Variants in IQCM observed in about 807,000 individuals in gnomAD.
IQCM encodes IQ domain-containing protein M.
Under a neutral mutation model 57.6 loss-of-function variants are expected in IQCM, and 45 were observed. The ratio of observed to expected loss-of-function variants is 0.78; its 90% CI spans 0.62 to 1.00. The LOEUF (loss-of-function observed/expected upper bound fraction) is 1.00, where lower values mean the gene tolerates loss of function less well. Among genes scored for constraint, IQCM ranks in the 50% least tolerant of loss-of-function variants. IQCM has a pLI of 0.00. For missense variants in IQCM, 468 were observed against 511.6 expected (o/e 0.91, Z 0.82); for synonymous variants, 148 against 158.9 (o/e 0.93, Z 0.51).
chr4:149,505,953 GA>G (rs1743770945), intron 12 of IQCM, among the ~76,000 whole-genome samples: 1 of 152,180 alleles, frequency 6.6e-6, no homozygotes, highest in Admixed American at 6.5e-5. Context: ...ATTTGTTAAG[GA>G]AAGGTCCTGG....
chr4:149,809,716 TA>T (rs1774386219), intron 2 of IQCM, among the ~76,000 whole-genome samples: 1 of 152,184 alleles, frequency 6.6e-6, no homozygotes, highest in South Asian at 2.1e-4. Context: ...CTAACTCATG[TA>T]ATCACCAAAT....
At chr4:149,380,415 A>C (rs150213592) in intron 13 of IQCM, among the ~76,000 whole-genome samples, 199 of 152,260 alleles carry the variant, frequency 1.3e-3, no homozygotes, top group African/African-American at 4.6e-3. Flanking sequence ...AGTTATGGCA[A>C]TATGTGACAT....
At chr4:149,547,868 T>A (rs1748617622) in intron 12 of IQCM, among the ~76,000 whole-genome samples, 1 of 152,152 alleles carries the variant, frequency 6.6e-6, no homozygotes, top group African/African-American at 2.4e-5. Context: ...AAAGGAAAAT[T>A]CATTGAGATG....
intron 12 of IQCM, among the ~76,000 whole-genome samples, chr4:149,472,973 C>T (rs1411605686): frequency 2.6e-5 from 4 of 152,134 alleles, no homozygotes; most frequent in Admixed American, 6.6e-5. Context: ...AAAATTAATT[C>T]AAGATGGATT....
At chr4:149,368,379 T>C (rs990297219) in intron 13 of IQCM, among the ~76,000 whole-genome samples, 5 of 152,060 alleles carry the variant, frequency 3.3e-5, no homozygotes, top group Non-Finnish European at 5.9e-5. Flanking sequence ...AGAATGTATT[T>C]GGCCTTAATA....
At chr4:149,513,703 T>A (rs978866588) in intron 12 of IQCM, among the ~76,000 whole-genome samples, 4 of 152,034 alleles carry the variant, frequency 2.6e-5, no homozygotes, top group African/African-American at 9.7e-5. Context: ...TTTGGGAGAG[T>A]AAAATGAATG....
intron 7 of IQCM, among the ~76,000 whole-genome samples, chr4:149,677,079 C>T (rs1385490719): frequency 1.3e-5 from 2 of 151,998 alleles, no homozygotes; most frequent in Non-Finnish European, 2.9e-5. Context: ...AAAAAATACT[C>T]CCCAAAATCA....
intron 8 of IQCM, among the ~76,000 whole-genome samples, chr4:149,594,869 C>T (rs1246210822): frequency 1.3e-5 from 2 of 152,158 alleles, no homozygotes; most frequent in Non-Finnish European, 2.9e-5. Flanking sequence ...GAGTGCTTTA[C>T]TTCCAACTAT....
At chr4:149,558,587 G>A (rs1315889846) in intron 10 of IQCM, among the ~76,000 whole-genome samples, 1 of 152,044 alleles carries the variant, frequency 6.6e-6, no homozygotes, top group Non-Finnish European at 1.5e-5. Context: ...ACAATAAAGT[G>A]TTTTAAAAGA....
chr4:149,663,560 T>C (rs1261480048), intron 7 of IQCM, among the ~76,000 whole-genome samples: 1 of 152,070 alleles, frequency 6.6e-6, no homozygotes, highest in Admixed American at 6.6e-5. Context: ...CTTTGATAGG[T>C]ATATTATTTC....
intron 2 of IQCM, among the ~76,000 whole-genome samples, chr4:149,794,669 G>A (rs1433043957): frequency 6.6e-6 from 1 of 152,064 alleles, no homozygotes; most frequent in Non-Finnish European, 1.5e-5. Flanking sequence ...GTGTTGTGGT[G>A]GTGGAGTGAT....
At chr4:149,668,660 TAAATA>T (rs930768248) in intron 7 of IQCM, among the ~76,000 whole-genome samples, 9 of 152,036 alleles carry the variant, frequency 5.9e-5, no homozygotes, top group African/African-American at 1.9e-4. Context: ...GTATAATAAT[TAAATA>T]AAAGAAAATG....
chr4:149,493,797 G>C (rs1211875677), intron 12 of IQCM, among the ~76,000 whole-genome samples: 2 of 151,640 alleles, frequency 1.3e-5, no homozygotes, highest in African/African-American at 4.8e-5. Context: ...TGTTGCTGCT[G>C]CAAACGCTGT....
intron 13 of IQCM, among the ~76,000 whole-genome samples, chr4:149,393,062 C>T (rs1203358507): frequency 6.6e-6 from 1 of 151,876 alleles, no homozygotes. Context: ...GTAGTCCTAG[C>T]TATTCAGCAG....
intron 12 of IQCM, among the ~76,000 whole-genome samples, chr4:149,525,404 G>T (rs1746058857): frequency 6.6e-6 from 1 of 151,856 alleles, no homozygotes; most frequent in African/African-American, 2.4e-5. Context: ...GCAATAGATT[G>T]AATCAAGCAG....
rs138312542 is a variant in IQCM, at chr4:149,672,930, C to T, written c.565+9188G>A. 2.5e-3 allele frequency among the ~76,000 whole-genome samples: 379 copies of T among 152,220 alleles called. 13 individuals carry two copies. The East Asian group carries it at 0.052, about 21-fold the overall frequency. On this transcript the variant is annotated intron_variant, in intron 7 of 13. Coordinates refer to ENST00000636793, the MANE Select transcript of IQCM (RefSeq NM_001363507.2). ...CCCATCAGACTAACAGCAGATCTTT[C>T]GGCAGAAACTCTACATGCCAGAAGA...
At chr4:149,481,704 T>TTTTTTTTTTTTTTTTTTTTTG (rs1740859824) in intron 12 of IQCM, among the ~76,000 whole-genome samples, 2 of 134,696 alleles carry the variant, frequency 1.5e-5, no homozygotes, top group African/African-American at 5.5e-5. Context: ...CAGTTTTGTT[T>TTTTTTTTTTTTTTTTTTTTTG]TTTTTTTTTT....
intron 2 of IQCM, among the ~76,000 whole-genome samples, chr4:149,805,017 G>A (rs1050865018): frequency 1.3e-5 from 2 of 152,030 alleles, no homozygotes; most frequent in Non-Finnish European, 2.9e-5. Context: ...TTGCTGCCCT[G>A]TTGGCCACTT....
intron 13 of IQCM, among the ~76,000 whole-genome samples, chr4:149,408,818 T>A (rs925698914): frequency 2.2e-4 from 34 of 152,256 alleles, no homozygotes; most frequent in Admixed American, 1.0e-3. Context: ...CCCCAGCTGA[T>A]GCTCTCAGGT....
Sources: allele counts gnomAD v4.1 joint callset (sites outside exome capture counted in the v4.1 genomes callset), GRCh38; gene constraint gnomAD v4.1.1; transcripts MANE v1.5; gene names NCBI Gene and HGNC (gene_info 2026-07-23, HGNC 2026-07-21).